Variants in DPP10 observed in about 807,000 individuals in gnomAD.
DPP10 encodes the protein dipeptidyl peptidase like 10, also known as inactive dipeptidyl peptidase 10.
DPP10 carries 33 observed loss-of-function variants against 120.9 expected under a neutral mutation model. The ratio of observed to expected loss-of-function variants is 0.27; its 90% CI spans 0.21 to 0.37. The LOEUF (loss-of-function observed/expected upper bound fraction) is 0.37. Among genes scored for constraint, DPP10 ranks in the 10% least tolerant of loss-of-function variants. The pLI is 1.00. For missense variants in DPP10, 816 were observed against 942.8 expected (o/e 0.87, Z 1.76); for synonymous variants, 337 against 326.1 (o/e 1.03, Z -0.36).
chr2:115,167,479 C>T (rs2052977163), intron 1 of DPP10, among the ~76,000 whole-genome samples: 1 of 151,810 alleles, frequency 6.6e-6, no homozygotes, highest in Admixed American at 6.6e-5. Flanking sequence ...TAGTGACATA[C>T]TCCTGTGGTC....
chr2:115,810,980 G>C (rs17045036), intron 19 of DPP10, among the ~76,000 whole-genome samples: 1,969 of 152,224 alleles, frequency 0.013, 45 homozygotes, highest in African/African-American at 0.043. Context: ...CATTCTGTGT[G>C]GTTATCCCTA....
At chr2:114,967,547 A>C (rs1418897529) in intron 1 of DPP10, among the ~76,000 whole-genome samples, 1 of 152,188 alleles carries the variant, frequency 6.6e-6, no homozygotes, top group African/African-American at 2.4e-5. Context: ...CAAGGCAGGG[A>C]AAGTATATGT....
At chr2:114,647,406 C>G (rs1309899290) in intron 1 of DPP10, among the ~76,000 whole-genome samples, 1 of 152,126 alleles carries the variant, frequency 6.6e-6, no homozygotes, top group Non-Finnish European at 1.5e-5. Context: ...GCTGAACTAA[C>G]TAAAACTGCT....
intron 1 of DPP10, among the ~76,000 whole-genome samples, chr2:114,969,212 T>C (rs753204721): frequency 3.3e-5 from 5 of 152,202 alleles, no homozygotes; most frequent in Non-Finnish European, 7.3e-5. Context: ...TGCAGACTCA[T>C]ATTACTCTTG....
chr2:115,325,647 TATTA>T (rs1195401209), intron 2 of DPP10, among the ~76,000 whole-genome samples: 1 of 152,172 alleles, frequency 6.6e-6, no homozygotes. Context: ...ATAAAATGTG[TATTA>T]ATTTATTTAA....
intron 24 of DPP10, 107 bp from the exon 25 acceptor site, chr2:115,840,643 G>A (rs1690045664): frequency 1.7e-6 from 2 of 1,163,872 alleles, no homozygotes; most frequent in East Asian, 5.0e-5. Flanking sequence ...TCTTTTAAAT[G>A]TGCAATGTAT....
At chr2:114,906,209 C>A (rs1693945675) in intron 1 of DPP10, among the ~76,000 whole-genome samples, 1 of 149,780 alleles carries the variant, frequency 6.7e-6, no homozygotes, top group African/African-American at 2.4e-5. Context: ...GAAAACCCAT[C>A]TCCACTAAAA....
chr2:115,054,392 G>A (rs1705731714), intron 1 of DPP10, among the ~76,000 whole-genome samples: 1 of 151,942 alleles, frequency 6.6e-6, no homozygotes, highest in Non-Finnish European at 1.5e-5. Context: ...GTTAATCTAG[G>A]TCTTTCATTA....
At chr2:114,507,449 G>A (rs919799180) in intron 1 of DPP10, among the ~76,000 whole-genome samples, 6 of 152,066 alleles carry the variant, frequency 3.9e-5, no homozygotes, top group African/African-American at 1.5e-4. Flanking sequence ...ATACGTACGT[G>A]GTTATAGTTC....
chr2:115,824,561 A>G (rs961799163), intron 21 of DPP10, among the ~76,000 whole-genome samples: 13 of 152,036 alleles, frequency 8.6e-5, no homozygotes, highest in South Asian at 4.2e-4. Context: ...TATGAGTGAG[A>G]ACATGCAGTG....
At chr2:114,661,938 A>G (rs1476533236) in intron 1 of DPP10, among the ~76,000 whole-genome samples, 1 of 151,652 alleles carries the variant, frequency 6.6e-6, no homozygotes, top group Non-Finnish European at 1.5e-5. Flanking sequence ...CTTAATCTTT[A>G]TGAACTTGGG....
intron 1 of DPP10, among the ~76,000 whole-genome samples, chr2:115,122,911 C>T (rs2049896599): frequency 6.6e-6 from 1 of 152,136 alleles, no homozygotes; most frequent in South Asian, 2.1e-4. Context: ...CAGCTGAGAA[C>T]AAAGCCACTG....
chr2:114,898,868 T>C (rs902324307), intron 1 of DPP10, among the ~76,000 whole-genome samples: 1 of 152,184 alleles, frequency 6.6e-6, no homozygotes, highest in Non-Finnish European at 1.5e-5. Context: ...TCCCAATTTC[T>C]TTTCTAATAG....
chr2:114,892,606 C>T (rs1350845971), intron 1 of DPP10, among the ~76,000 whole-genome samples: 2 of 152,156 alleles, frequency 1.3e-5, no homozygotes, highest in African/African-American at 4.8e-5. Flanking sequence ...CCGCTGAGCC[C>T]CGCTTGGCAG....
chr2:115,086,259 C>T (rs927056163), intron 1 of DPP10, among the ~76,000 whole-genome samples: 2 of 152,124 alleles, frequency 1.3e-5, no homozygotes, highest in Non-Finnish European at 2.9e-5. Context: ...TATAAGATTT[C>T]AAAAGAACTT....
intron 1 of DPP10, among the ~76,000 whole-genome samples, chr2:114,956,437 A>G (rs1020798064): frequency 6.6e-6 from 1 of 152,100 alleles, no homozygotes; most frequent in Non-Finnish European, 1.5e-5. Context: ...ATTGATGAAA[A>G]ACATTGAAGA....
At chr2:114,679,380 T>C (rs1329967267) in intron 1 of DPP10, among the ~76,000 whole-genome samples, 1 of 152,058 alleles carries the variant, frequency 6.6e-6, no homozygotes, top group South Asian at 2.1e-4. Flanking sequence ...CCTGCTGTTA[T>C]TGTAATGGCA....
intron 5 of DPP10, among the ~76,000 whole-genome samples, chr2:115,595,204 G>A (rs1186442817): frequency 2.0e-5 from 3 of 151,924 alleles, no homozygotes; most frequent in African/African-American, 4.8e-5. Context: ...AAACAATAAG[G>A]CATAATAAAG....
chr2:115,182,131 T>G (rs1415461343), intron 1 of DPP10, among the ~76,000 whole-genome samples: 1 of 152,224 alleles, frequency 6.6e-6, no homozygotes, highest in Non-Finnish European at 1.5e-5. Flanking sequence ...ATAAATCTAA[T>G]GTACCGCTTG....
Sources: allele counts gnomAD v4.1 joint callset (sites outside exome capture counted in the v4.1 genomes callset), GRCh38; gene constraint gnomAD v4.1.1; transcripts MANE v1.5; gene names NCBI Gene and HGNC (gene_info 2026-07-23, HGNC 2026-07-21).